Variants in PHAX observed in about 807,000 individuals in gnomAD.
PHAX encodes the protein phosphorylated adapter RNA export protein.
In PHAX, 31 loss-of-function variants were observed where a neutral mutation model predicts 41.6. The ratio of observed to expected loss-of-function variants is 0.75; its 90% CI spans 0.56 to 1.01. PHAX has a LOEUF of 1.01. Among genes scored for constraint, PHAX ranks in the 50% least tolerant of loss-of-function variants. The probability of loss-of-function intolerance (pLI) is 0.00; values close to 1 mark genes in which losing one functional copy is unlikely to be tolerated. For synonymous variants in PHAX, 175 were observed against 164.9 expected (o/e 1.06, Z -0.47); for missense variants, 453 against 472.9 (o/e 0.96, Z 0.39).
At chr5:126,610,589 AAC>A (rs547579663) in intron 3 of PHAX, among the ~76,000 whole-genome samples, 64 of 152,372 alleles carry the variant, frequency 4.2e-4, no homozygotes, top group Non-Finnish European at 7.3e-4. Context: ...CATTCAGTTG[AAC>A]ACAGAGTTAC....
At chr5:126,622,735 C>A (rs1316226716) in intron 4 of PHAX, among the ~76,000 whole-genome samples, 1 of 152,144 alleles carries the variant, frequency 6.6e-6, no homozygotes, top group African/African-American at 2.4e-5. Flanking sequence ...GAAAATGCTT[C>A]TACTGTGGCT....
chr5:126,614,384 C>A (rs1465669826), intron 3 of PHAX, among the ~76,000 whole-genome samples: 1 of 152,080 alleles, frequency 6.6e-6, no homozygotes, highest in African/African-American at 2.4e-5. Context: ...ATACCCAACA[C>A]CCAACCCGTG....
intron 3 of PHAX, among the ~76,000 whole-genome samples, chr5:126,615,804 A>AC (rs1368593219): frequency 6.6e-6 from 1 of 152,120 alleles, no homozygotes; most frequent in Non-Finnish European, 1.5e-5. Flanking sequence ...GCTTTCAGGA[A>AC]CCTAACCCTG....
intron 2 of PHAX, among the ~76,000 whole-genome samples, chr5:126,607,416 GA>G (rs56727553): frequency 0.26 from 7,473 of 28,632 alleles, 262 homozygotes; most frequent in Middle Eastern, 0.38. Context: ...TTTTTTTTTT[GA>G]GACGGAGTTT....
intron 1 of PHAX, among the ~76,000 whole-genome samples, chr5:126,601,927 A>G (rs551028140): frequency 2.0e-5 from 3 of 152,160 alleles, no homozygotes; most frequent in South Asian, 2.1e-4. Context: ...TCGGCCTCCA[A>G]AAGTGCTGAG....
intron 3 of PHAX, among the ~76,000 whole-genome samples, chr5:126,613,392 T>G (rs994211997): frequency 6.6e-6 from 1 of 152,162 alleles, no homozygotes; most frequent in African/African-American, 2.4e-5. Context: ...GAATCCCATT[T>G]GGGGTTGGAG....
intron 4 of PHAX, among the ~76,000 whole-genome samples, chr5:126,622,226 C>T (rs976250125): frequency 1.4e-4 from 21 of 151,934 alleles, no homozygotes; most frequent in African/African-American, 2.7e-4. Flanking sequence ...CTCTGCCTCC[C>T]GGGTTCAGGT....
intron 1 of PHAX, 126 bp from the exon 2 acceptor site, chr5:126,603,444 C>A: frequency 1.9e-6 from 2 of 1,048,474 alleles, no homozygotes; most frequent in East Asian, 4.8e-5. Flanking sequence ...CTTGATTGGT[C>A]TCAGATTTGT....
intron 1 of PHAX, among the ~76,000 whole-genome samples, chr5:126,601,668 T>C (rs1404829276): frequency 6.6e-6 from 1 of 152,168 alleles, no homozygotes; most frequent in Non-Finnish European, 1.5e-5. Context: ...TTAGCCTCTC[T>C]GATTTTGTTT....
In PHAX at chr5:126,603,663, G is replaced by A. The variant is rs62391555; in HGVS notation, c.190G>A (p.Asp64Asn). Reference protein sequence around the residue: ...VSHYRAVESVDSSEESFSDSD... With the variant: ...VSHYRAVESVNSSEESFSDSD... Reference sequence around the variant, plus strand: ...ACATTATCGAGCTGTTGAAAGTGTGGATTCAAGTGAAGAAAGTTTTTCTGA... The same window carrying A: ...ACATTATCGAGCTGTTGAAAGTGTGAATTCAAGTGAAGAAAGTTTTTCTGA... The change falls in exon 2 of 5, where the codon GAT (aspartate) becomes AAT (asparagine). Residue 64 changes from aspartate (D) to asparagine (N), a missense_variant. Transcript: ENST00000297540. 129 of 1,614,056 alleles carry A rather than the reference G, an allele frequency of 8.0e-5. No individual in the cohort carries two copies. The highest frequency in any genetic ancestry group is 1.1e-4 in the Non-Finnish European group (126 of 1,180,020).
At chr5:126,617,364 C>T in intron 4 of PHAX, 31 bp downstream of exon 4, 1 of 1,362,014 alleles carries the variant, frequency 7.3e-7, no homozygotes, top group South Asian at 1.2e-5. Flanking sequence ...TCTTAAGCGC[C>T]ATCATAATTT....
chr5:126,614,244 C>T (rs749207356), intron 3 of PHAX, among the ~76,000 whole-genome samples: 1 of 151,752 alleles, frequency 6.6e-6, no homozygotes, highest in Admixed American at 6.6e-5. Flanking sequence ...GGATTACAGG[C>T]ATATCCCACC....
At position 126,626,661 on chromosome 5, in the gene PHAX, C is replaced by G. The variant is rs1254615057; in HGVS notation, c.*1817C>G. 2 of 147,656 alleles carry G rather than the reference C, an allele frequency of 1.4e-5. No homozygotes were observed. The allele number at this position is 147,656 out of a possible 1,614,324, so 9.1% of individuals were successfully genotyped here. A position where few individuals can be genotyped will look rare whatever the true frequency, so the allele number is the denominator to read the frequency against. On this transcript the variant is annotated 3_prime_UTR_variant, in exon 5 of 5. Transcript: ENST00000297540. The stretch of plus-strand genomic sequence containing the variant: ...CTGAGGCAGGAGAATCACTTGAACC[C>G]AGGAGGTGGAGGTTGCAGTGAGCCG...
chr5:126,615,853 A>G (rs945583770), intron 3 of PHAX, among the ~76,000 whole-genome samples: 1 of 152,130 alleles, frequency 6.6e-6, no homozygotes, highest in Non-Finnish European at 1.5e-5. Context: ...TGCTAATTCA[A>G]TGTTTGCAGC....
rs1017759411 is a variant in PHAX at position 126,624,960 on chromosome 5, A to G, written c.*116A>G. The G allele has an allele frequency of 2.2e-6, 2 of 921,486 alleles. No homozygotes were observed. Among genetic ancestry groups the G allele is most frequent in the Non-Finnish European group, 3.2e-6 (2 of 616,754 alleles). The allele number at this position is 921,486 out of a possible 1,614,324, so 57.1% of individuals were successfully genotyped here. On this transcript the variant is annotated 3_prime_UTR_variant, in exon 5 of 5. Coordinates refer to ENST00000297540, the MANE Select transcript of PHAX (RefSeq NM_032177.4). ...AACATGAGAATCTGGAGGAAAGACAATTGTTTTCTTGTTTAAAATATGTGT... is the reference window on the plus strand; with the variant it reads ...AACATGAGAATCTGGAGGAAAGACAGTTGTTTTCTTGTTTAAAATATGTGT...
At chr5:126,617,731 G>A (rs757732217) in intron 4 of PHAX, among the ~76,000 whole-genome samples, 6 of 151,952 alleles carry the variant, frequency 3.9e-5, no homozygotes, top group Non-Finnish European at 8.8e-5. Context: ...CGCCCGTCTC[G>A]GCCCCCACAA....
At position 126,614,881 on chromosome 5, in the gene PHAX, G is replaced by A. The variant is rs571038761; in HGVS notation, c.832-2369G>A. Among the ~76,000 whole-genome samples the A allele has an allele frequency of 1.7e-3, 253 of 151,788 alleles. 7 individuals carry two copies. Among genetic ancestry groups the A allele is most frequent in the South Asian group, 3.8e-3 (18 of 4,794 alleles). Reference sequence around the variant, plus strand: ...AAGCGATTCTCCTGCCTCAGCCTCCGAAGTAGCTGGGATTACAGGCACACA... The same window carrying A: ...AAGCGATTCTCCTGCCTCAGCCTCCAAAGTAGCTGGGATTACAGGCACACA... On this transcript the variant is annotated intron_variant, in intron 3 of 4. Transcript: ENST00000297540.
In PHAX at chr5:126,624,902, T is replaced by C; in HGVS notation, c.*58T>C. The C allele has an allele frequency of 6.8e-7, 1 of 1,475,652 alleles. No individual in the cohort carries two copies. Among genetic ancestry groups the C allele is most frequent in the East Asian group, 2.3e-5 (1 of 43,890 alleles). 91.4% of individuals were successfully genotyped at this position (1,475,652 alleles called of 1,614,324 possible). ...TCTAAAATAACATTGTAATAAACCA[T>C]TTTTACTGAGATTGCAACGTTTTGC... is the stretch of plus-strand genomic sequence containing the variant. On this transcript the variant is annotated 3_prime_UTR_variant, in exon 5 of 5. Transcript: ENST00000297540.
At chr5:126,611,048 G>A (rs1194254424) in intron 3 of PHAX, among the ~76,000 whole-genome samples, 7 of 89,212 alleles carry the variant, frequency 7.8e-5, no homozygotes, top group Non-Finnish European at 1.4e-4. Context: ...TTTTCTTTTC[G>A]TTTGTTTGTT....
Sources: allele counts gnomAD v4.1 joint callset (sites outside exome capture counted in the v4.1 genomes callset), GRCh38; gene constraint gnomAD v4.1.1; transcripts MANE v1.5; gene names NCBI Gene and HGNC (gene_info 2026-07-23, HGNC 2026-07-21).